Variants in AGAP1 observed in about 807,000 individuals in gnomAD.
AGAP1 encodes arf-GAP with GTPase, ANK repeat and PH domain-containing protein 1.
Under a neutral mutation model 105.3 loss-of-function variants are expected in AGAP1, and 29 were observed. The observed-to-expected ratio is 0.28, with a 90% CI of 0.21 to 0.38. AGAP1 has a LOEUF of 0.38. Among genes scored for constraint, AGAP1 ranks in the 10% least tolerant of loss-of-function variants. AGAP1 has a pLI of 1.00. For synonymous variants in AGAP1, 509 were observed against 485.9 expected (o/e 1.05, Z -0.63); for missense variants, 998 against 1,165.1 (o/e 0.86, Z 2.09).
Position 235,549,552 on chromosome 2 carries a change from A to G in AGAP1, c.163+54703A>G, listed in dbSNP as rs1266944998. On this transcript the variant is annotated intron_variant, in intron 1 of 17. Transcript: ENST00000304032. The surrounding 1 kb of genome is among the most constrained non-coding windows in gnomAD (Gnocchi z 4.2). ...CAGCCTTTTTCACGTACAGAGTTGCATTGCTCCTCCGTCTTCCGCGTGCCT... is the reference window on the plus strand; with the variant it reads ...CAGCCTTTTTCACGTACAGAGTTGCGTTGCTCCTCCGTCTTCCGCGTGCCT... Among the ~76,000 whole-genome samples, 2 of 152,056 alleles carry G rather than the reference A, an allele frequency of 1.3e-5. No individual in the cohort carries two copies. Among genetic ancestry groups the G allele is most frequent in the African/African-American group, 2.4e-5 (1 of 41,398 alleles).
intron 2 of AGAP1, among the ~76,000 whole-genome samples, chr2:235,711,783 A>G (rs879601832): frequency 6.6e-6 from 1 of 152,180 alleles, no homozygotes; most frequent in South Asian, 2.1e-4. Flanking sequence ...CCAAGTGCCT[A>G]TAGGGCTGCA....
chr2:236,099,399 G>A (rs1464280615), intron 16 of AGAP1, among the ~76,000 whole-genome samples: 1 of 149,176 alleles, frequency 6.7e-6, no homozygotes, highest in Non-Finnish European at 1.5e-5. Context: ...AGGTTGCGGT[G>A]AGCCGAGATC....
In AGAP1 at chr2:235,941,813, A is replaced by T. The variant is rs138638968; in HGVS notation, c.1483+10890A>T. On this transcript the variant is annotated intron_variant, in intron 12 of 17. Transcript: ENST00000304032. The stretch of plus-strand genomic sequence containing the variant: ...CTAAAGGGAGTGTGGGATCCATGCG[A>T]AGGGAAGGGTGTGTGCGGCTATGGA... Among the ~76,000 whole-genome samples the T allele has an allele frequency of 6.0e-5, 9 of 149,996 alleles. No individual in the cohort carries two copies. The East Asian group carries it at 1.8e-3, about 29-fold the overall frequency.
At chr2:235,583,341 A>G (rs1479987588) in intron 1 of AGAP1, among the ~76,000 whole-genome samples, 1 of 152,092 alleles carries the variant, frequency 6.6e-6, no homozygotes, top group African/African-American at 2.4e-5. Context: ...GGTAACTCCA[A>G]GTGGGCCAGG....
chr2:236,042,754 G>C lies in AGAP1; in HGVS notation c.1891+1913G>C, dbSNP rs2057590596. Among the ~76,000 whole-genome samples, 1 of 152,168 alleles carries C rather than the reference G, an allele frequency of 6.6e-6. No individual in the cohort carries two copies. Among genetic ancestry groups the C allele is most frequent in the Non-Finnish European group, 1.5e-5 (1 of 68,034 alleles). On this transcript the variant is annotated intron_variant, in intron 15 of 17. Coordinates refer to ENST00000304032, the MANE Select transcript of AGAP1 (RefSeq NM_001037131.3). This position sits in a 1 kb window ranked among gnomAD's most constrained non-coding sequence, Gnocchi z 5.6. ...GCCAGTGCAGGGGAGGTGTGGGCCA[G>C]TTTGTTCTGAGCAAGACCACCTGAG...
chr2:235,898,598 G>A (rs1408084859), intron 10 of AGAP1, among the ~76,000 whole-genome samples: 1 of 150,320 alleles, frequency 6.7e-6, no homozygotes, highest in Non-Finnish European at 1.5e-5. Flanking sequence ...CCAAGAAATT[G>A]CCACATAAAG....
At position 236,046,709 on chromosome 2, in the gene AGAP1, T is replaced by G. The variant is rs2057726964; in HGVS notation, c.1892-2350T>G. Among the ~76,000 whole-genome samples, 1 of 152,010 alleles carries G rather than the reference T, an allele frequency of 6.6e-6. No individual in the cohort carries two copies. ...TGGGTTGGGTTGGCCTGAATAAGAC[T>G]ACACAGTCAGAAGAGATGACCCCAC... is the stretch of plus-strand genomic sequence containing the variant. On this transcript the variant is annotated intron_variant, in intron 15 of 17. Coordinates refer to ENST00000304032, the MANE Select transcript of AGAP1 (RefSeq NM_001037131.3). The surrounding 1 kb of genome is among the most constrained non-coding windows in gnomAD (Gnocchi z 5.2).
At chr2:235,671,018 T>C in intron 1 of AGAP1, 1 of 1,317,252 alleles carries the variant, frequency 7.6e-7, no homozygotes, top group South Asian at 2.2e-5. Context: ...CGAAGCGCAC[T>C]CGTCCAGCGC....
chr2:235,571,981 C>T (rs1574871709), intron 1 of AGAP1, among the ~76,000 whole-genome samples: 1 of 91,246 alleles, frequency 1.1e-5, no homozygotes, highest in African/African-American at 5.7e-5. Context: ...TGTATACACA[C>T]ACACACACAC....
intron 13 of AGAP1, among the ~76,000 whole-genome samples, chr2:236,021,718 TA>T (rs1486097399): frequency 3.3e-5 from 5 of 151,918 alleles, no homozygotes; most frequent in Non-Finnish European, 5.9e-5. Context: ...GTCAGATAAC[TA>T]TTTTTTTTTC....
rs770566959 is a variant in AGAP1, at chr2:235,494,704, G to A, written c.18G>A (p.Gln6=). Residue 6 remains glutamine (Q), a synonymous_variant, in exon 1 of 18, where the codon CAG becomes CAA. Coordinates refer to ENST00000304032, the MANE Select transcript of AGAP1 (RefSeq NM_001037131.3). ...CCTGCACCATGAACTACCAGCAGCA[G>A]CTGGCCAACTCGGCTGCCATCCGGG... is the stretch of plus-strand genomic sequence containing the variant. MNYQQ[Q]LANSAAIRAE... 3 of 1,540,754 alleles carry A rather than the reference G, an allele frequency of 1.9e-6. No homozygotes were observed. In the South Asian group the frequency reaches 3.5e-5, roughly 18 times the overall value.
In AGAP1 at chr2:236,093,444, G is replaced by A. The variant is rs370611530; in HGVS notation, c.2115-26748G>A. On this transcript the variant is annotated intron_variant, in intron 16 of 17. Transcript: ENST00000304032. Reference sequence around the variant, plus strand: ...CTCCTGCTGGTGATGCAAGGGAGACGTGGCACCTCTGTAGTAATATTTTGA... The same window carrying A: ...CTCCTGCTGGTGATGCAAGGGAGACATGGCACCTCTGTAGTAATATTTTGA... Among the ~76,000 whole-genome samples, 28 of 152,356 alleles carry A rather than the reference G, an allele frequency of 1.8e-4. No homozygotes were observed. In the South Asian group the frequency reaches 4.8e-3, roughly 26 times the overall value.
intron 13 of AGAP1, among the ~76,000 whole-genome samples, chr2:236,006,167 G>A (rs1013911833): frequency 4.6e-5 from 7 of 151,776 alleles, no homozygotes; most frequent in African/African-American, 9.7e-5. Context: ...TATTCCACCC[G>A]TGGCTCCTGG....
Position 235,575,145 on chromosome 2 carries a change from A to G in AGAP1, c.163+80296A>G, listed in dbSNP as rs1470161590. Among the ~76,000 whole-genome samples the G allele has an allele frequency of 5.8e-4, 16 of 27,488 alleles. No individual in the cohort carries two copies. The African/African-American group carries it at 0.021, about 36-fold the overall frequency. 18.0% of individuals were successfully genotyped at this position (27,488 alleles called of 152,430 possible). A position where few individuals can be genotyped will look rare whatever the true frequency, so the allele number is the denominator to read the frequency against. ...CTCGAAAAAACAAAAACAACAAACC[A>G]AAAAAAAAGGTGACATTGAGAATAA... On this transcript the variant is annotated intron_variant, in intron 1 of 17. Coordinates refer to ENST00000304032, the MANE Select transcript of AGAP1 (RefSeq NM_001037131.3).
chr2:235,833,490 C>T (rs1269131397), intron 9 of AGAP1, among the ~76,000 whole-genome samples: 2 of 152,008 alleles, frequency 1.3e-5, no homozygotes, highest in Non-Finnish European at 2.9e-5. Context: ...CTAAACCACC[C>T]ACCCCCACTC....
Position 236,123,931 on chromosome 2 carries a change from G to A in AGAP1, c.2383G>A (p.Val795Ile), listed in dbSNP as rs150374292. ...AQLLIWYGVD[V>I]TARDAHGNTA... ...CTTACCTCCGCAGTACGGAGTGGAC[G>A]TCACGGCCCGAGATGCCCACGGGAA... Residue 795 changes from valine (V) to isoleucine (I), a missense_variant, in exon 18 of 18, where the codon GTC becomes ATC. Val to Ile is a conservative substitution (Grantham distance 29). Coordinates refer to ENST00000304032, the MANE Select transcript of AGAP1 (RefSeq NM_001037131.3). The surrounding 1 kb of genome is among the most constrained non-coding windows in gnomAD (Gnocchi z 4.6). 2.9e-5 allele frequency: 47 copies of A among 1,612,988 alleles called. No individual in the cohort carries two copies. Among genetic ancestry groups the A allele is most frequent in the South Asian group, 7.7e-5 (7 of 91,012 alleles).
Position 235,799,934 on chromosome 2 carries a change from G to C in AGAP1, c.957+412G>C, listed in dbSNP as rs1012019421. Among the ~76,000 whole-genome samples the C allele has an allele frequency of 6.6e-6, 1 of 151,900 alleles. No individual in the cohort carries two copies. The highest frequency in any genetic ancestry group is 2.1e-4 in the South Asian group (1 of 4,792). On this transcript the variant is annotated intron_variant, in intron 8 of 17. Transcript: ENST00000304032. The surrounding 1 kb of genome is among the most constrained non-coding windows in gnomAD (Gnocchi z 5.0). ...TTCTTCTTCTGCTGGGGTGCCTGGC[G>C]CTGCCCTCGGGGTGGAGGTGGGGGA...
chr2:235,731,574 G>T (rs777342910), intron 3 of AGAP1, among the ~76,000 whole-genome samples: 1 of 152,208 alleles, frequency 6.6e-6, no homozygotes, highest in Non-Finnish European at 1.5e-5. Context: ...TGTTCTGGTT[G>T]TTGCAGTTTT....
chr2:236,062,087 C>T lies in AGAP1; in HGVS notation c.2114+12806C>T, dbSNP rs192942187. Among the ~76,000 whole-genome samples, 89 of 152,222 alleles carry T rather than the reference C, an allele frequency of 5.8e-4. No homozygotes were observed. Among genetic ancestry groups the T allele is most frequent in the Admixed American group, 6.5e-4 (10 of 15,298 alleles). The stretch of plus-strand genomic sequence containing the variant: ...TGTGCACTGCAGCCAAATTCCTGCC[C>T]TGCGGACGGCCCACAGGGGAGCGAG... On this transcript the variant is annotated intron_variant, in intron 16 of 17. Transcript: ENST00000304032. The surrounding 1 kb of genome is among the most constrained non-coding windows in gnomAD (Gnocchi z 4.2).
Sources: gnomAD v4.1 joint callset for allele counts (sites outside exome capture counted in the v4.1 genomes callset) on GRCh38, gnomAD v4.1.1 for gene constraint, Gnocchi (gnomAD v3.1) non-coding constraint, MANE v1.5 for transcripts, NCBI Gene and HGNC (gene_info 2026-07-23, HGNC 2026-07-21) for gene names.